The following SULF1 variants were observed in gnomAD, a reference collection of about 807,000 sequenced individuals.
SULF1 encodes the protein sulfatase 1, also known as extracellular sulfatase Sulf-1.
SULF1 carries 46 observed loss-of-function variants against 110.5 expected under a neutral mutation model. The observed-to-expected ratio is 0.42, with a 90% CI of 0.33 to 0.53. The LOEUF (loss-of-function observed/expected upper bound fraction) is 0.53. Among genes scored for constraint, SULF1 ranks in the 20% least tolerant of loss-of-function variants. The pLI, the probability that SULF1 is intolerant of heterozygous loss-of-function variation, is 0.12. For missense variants in SULF1, 941 were observed against 1,094.2 expected, an observed-to-expected ratio of 0.86 and a Z score of 1.98; for synonymous variants, 371 against 387.1, an observed-to-expected ratio of 0.96 and a Z score of 0.49.
At chr8:69,510,770 C>T (rs1811501417) in intron 3 of SULF1, among the ~76,000 whole-genome samples, 1 of 151,930 alleles carries the variant, frequency 6.6e-6, no homozygotes, top group African/African-American at 2.4e-5. Context: ...GTGGGCACCA[C>T]CATGCCTGGC....
chr8:69,503,781 C>G (rs1331636779), intron 3 of SULF1, among the ~76,000 whole-genome samples: 1 of 152,006 alleles, frequency 6.6e-6, no homozygotes, highest in Non-Finnish European at 1.5e-5. Context: ...TATGAAGAAG[C>G]CACTTTTCTT....
intron 22 of SULF1, 64 bp from the exon 23 acceptor site, chr8:69,658,441 C>G: frequency 8.4e-7 from 1 of 1,191,450 alleles, no homozygotes; most frequent in Non-Finnish European, 1.2e-6. Context: ...ATGTAAGTTG[C>G]TTGTCCAGGT....
chr8:69,616,477 C>T (rs938162294), intron 13 of SULF1, among the ~76,000 whole-genome samples: 6 of 152,102 alleles, frequency 3.9e-5, no homozygotes, highest in Non-Finnish European at 5.9e-5. Flanking sequence ...TCTCAGCTCA[C>T]GGCAACCTCC....
chr8:69,587,721 G>A (rs952293783), intron 7 of SULF1, among the ~76,000 whole-genome samples: 1 of 152,180 alleles, frequency 6.6e-6, no homozygotes, highest in African/African-American at 2.4e-5. Context: ...GCTGTCTGTA[G>A]GGATGCTTTT....
At chr8:69,619,776 A>G (rs1809459349) in intron 13 of SULF1, among the ~76,000 whole-genome samples, 1 of 152,162 alleles carries the variant, frequency 6.6e-6, no homozygotes, top group Non-Finnish European at 1.5e-5. Flanking sequence ...ACCCCTGATG[A>G]GAGGGGGAGC....
chr8:69,555,676 A>T (rs941328582), intron 3 of SULF1, among the ~76,000 whole-genome samples: 3 of 152,108 alleles, frequency 2.0e-5, no homozygotes, highest in Non-Finnish European at 4.4e-5. Context: ...AAGTATGCCA[A>T]TGGGGTTCTC....
At position 69,658,525 on chromosome 8, in the gene SULF1, G is replaced by A; in HGVS notation, c.2606G>A (p.Trp869Ter). ...CACAGAGGACAGTTATGGGATGGAT[G>A]GGAAGGTTAATCAGCCCCGTCTCAC... Reference protein sequence around the residue: ...DLHRGQLWDGWEG With the variant: ...DLHRGQLWDG The change falls in exon 23 of 23, where the codon TGG becomes TAG. Residue 869 changes from tryptophan to a stop codon, truncating the protein, a stop_gained. Coordinates refer to ENST00000402687, the MANE Select transcript of SULF1 (RefSeq NM_001128205.2). LOFTEE classifies it high-confidence loss of function. 6.2e-7 allele frequency: 1 copy of A among 1,608,548 alleles called. No homozygotes were observed. Among genetic ancestry groups the A allele is most frequent in the South Asian group, 1.1e-5 (1 of 90,186 alleles).
rs763750683 is a variant in SULF1, at chr8:69,623,816, G to A, written c.1595-126G>A. 187 of 1,121,272 alleles carry A rather than the reference G, an allele frequency of 1.7e-4. 1 individual carries two copies. The Middle Eastern group carries it at 2.6e-3, about 15-fold the overall frequency. The allele number at this position is 1,121,272 out of a possible 1,614,324, so 69.5% of individuals were successfully genotyped here. On this transcript the variant is annotated intron_variant, in intron 14 of 22. Transcript: ENST00000402687. ...TACCGTGAATTGCAGGCACCACGAT[G>A]CCACTCAGCAATGCAGCATGGACTG...
At chr8:69,604,075 TC>T (rs1586526962) in intron 12 of SULF1, among the ~76,000 whole-genome samples, 2 of 152,222 alleles carry the variant, frequency 1.3e-5, no homozygotes, top group East Asian at 3.8e-4. Context: ...TATCCATATA[TC>T]ACACGTACCC....
At chr8:69,573,255 T>G (rs1317883373) in intron 5 of SULF1, among the ~76,000 whole-genome samples, 1 of 152,112 alleles carries the variant, frequency 6.6e-6, no homozygotes, top group Non-Finnish European at 1.5e-5. Flanking sequence ...GAGGGATTGC[T>G]TGGGAGCCCT....
At chr8:69,491,580 C>T (rs1479546672), upstream of SULF1, among the ~76,000 whole-genome samples, 1 of 152,240 alleles carries the variant, frequency 6.6e-6, no homozygotes, top group Non-Finnish European at 1.5e-5. Flanking sequence ...GGCTCCCCTT[C>T]AAGTTTTAGA....
intron 15 of SULF1, among the ~76,000 whole-genome samples, chr8:69,625,133 C>T (rs1238781219): frequency 6.6e-6 from 1 of 152,252 alleles, no homozygotes; most frequent in Admixed American, 6.5e-5. Context: ...AAGGCACTCT[C>T]TTTTTAACAA....
At position 69,638,570 on chromosome 8, in the gene SULF1, A is replaced by G. The variant is rs1462238498; in HGVS notation, c.2353A>G (p.Thr785Ala). 6.2e-7 allele frequency: 1 copy of G among 1,614,094 alleles called. No individual in the cohort carries two copies. The highest frequency in any genetic ancestry group is 1.7e-5 in the Admixed American group (1 of 60,008). The change falls in exon 20 of 23, where the codon ACG becomes GCG. Residue 785 changes from threonine to alanine, a missense_variant. By Grantham distance (58) the Thr-to-Ala change is moderately conservative (BLOSUM62 0). Coordinates refer to ENST00000402687, the MANE Select transcript of SULF1 (RefSeq NM_001128205.2). ...TYWCLRTVNE[T>A]HNFLFCEFAT... ...CTGGTGTTTGCGTACAGTTAATGAGACGCATAATTTTCTTTTCTGTGAGTT... is the reference window on the plus strand; with the variant it reads ...CTGGTGTTTGCGTACAGTTAATGAGGCGCATAATTTTCTTTTCTGTGAGTT...
At chr8:69,638,282 CT>C in intron 19 of SULF1, 1 of 576,530 alleles carries the variant, frequency 1.7e-6, no homozygotes, top group Non-Finnish European at 3.0e-6. Flanking sequence ...AGTCTTCAGC[CT>C]ATAAGAGATC....
rs1211040267 is a variant in SULF1, at chr8:69,495,776, T to G, written c.-379T>G. On this transcript the variant is annotated 5_prime_UTR_variant, in exon 2 of 23. Transcript: ENST00000402687. ...CCTTTCCTTAACAGGGATTCTTCAC[T>G]TCTCTTGAACAAGGAACTCACTCAG... is the stretch of plus-strand genomic sequence containing the variant. 6.6e-6 allele frequency: 1 copy of G among 152,244 alleles called. No individual in the cohort carries two copies. The highest frequency in any genetic ancestry group is 3.2e-3 in the Middle Eastern group (1 of 316). The allele number at this position is 152,244 out of a possible 1,614,324, so 9.4% of individuals were successfully genotyped here.
chr8:69,584,082 A>C (rs1216336372), intron 6 of SULF1, among the ~76,000 whole-genome samples: 1 of 152,240 alleles, frequency 6.6e-6, no homozygotes, highest in Non-Finnish European at 1.5e-5. Flanking sequence ...GCAAGCTAGC[A>C]GAGTACACTT....
chr8:69,536,320 G>C (rs944831231), intron 3 of SULF1, among the ~76,000 whole-genome samples: 3 of 152,114 alleles, frequency 2.0e-5, no homozygotes, highest in African/African-American at 7.2e-5. Context: ...ATGTGTAAAG[G>C]ATCAGAAAGT....
intron 8 of SULF1, among the ~76,000 whole-genome samples, chr8:69,591,539 C>T (rs564898846): frequency 3.6e-4 from 54 of 150,550 alleles, no homozygotes; most frequent in East Asian, 9.8e-4. Flanking sequence ...ACTCCAGCCT[C>T]GGCGACAGAG....
intron 1 of SULF1, among the ~76,000 whole-genome samples, chr8:69,471,505 T>A (rs1809081350): frequency 6.6e-6 from 1 of 152,200 alleles, no homozygotes; most frequent in Admixed American, 6.5e-5. Context: ...GCTTGAGTAT[T>A]ATATGAAAAA....
Sources: allele counts gnomAD v4.1 joint callset (sites outside exome capture counted in the v4.1 genomes callset), GRCh38; gene constraint gnomAD v4.1.1; transcripts MANE v1.5; gene names NCBI Gene and HGNC (gene_info 2026-07-23, HGNC 2026-07-21).